Variants in LARGE1 observed in about 807,000 individuals in gnomAD.
LARGE1 encodes xylosyl- and glucuronyltransferase LARGE1.
Under a neutral mutation model 87.6 loss-of-function variants are expected in LARGE1, and 43 were observed. The ratio of observed to expected loss-of-function variants is 0.49; its 90% CI spans 0.38 to 0.63. LARGE1 has a LOEUF of 0.63. Among genes scored for constraint, LARGE1 ranks in the 30% least tolerant of loss-of-function variants. LARGE1 has a pLI of 0.00. For missense variants in LARGE1, 802 were observed against 1,000.2 expected, an observed-to-expected ratio of 0.80 and a Z score of 2.67; for synonymous variants, 434 against 394.6, an observed-to-expected ratio of 1.10 and a Z score of -1.18.
intron 2 of LARGE1, among the ~76,000 whole-genome samples, chr22:33,653,889 C>T (rs1052503732): frequency 4.6e-5 from 7 of 152,154 alleles, no homozygotes; most frequent in African/African-American, 7.2e-5. Context: ...CATCCTTAGC[C>T]GGGGTCATGG....
In LARGE1 at chr22:33,583,033, G is replaced by A. The variant is rs149773672; in HGVS notation, c.616-18014C>T. ...TATGAGCACATGTCTACCTTGGACA[G>A]TTCCAGTCACATATATTATACCCTG... On this transcript the variant is annotated intron_variant, in intron 5 of 14. Transcript: ENST00000397394. 4.5e-4 allele frequency among the ~76,000 whole-genome samples: 68 copies of A among 152,332 alleles called. No individual in the cohort carries two copies. In the East Asian group the frequency reaches 0.01, roughly 22 times the overall value.
intron 2 of LARGE1, among the ~76,000 whole-genome samples, chr22:33,758,397 C>T (rs1035249496): frequency 6.6e-6 from 1 of 152,206 alleles, no homozygotes; most frequent in Non-Finnish European, 1.5e-5. Flanking sequence ...AGCCCGAATG[C>T]ACACTAACTG....
intron 2 of LARGE1, chr22:33,733,073 A>C (rs145403495): frequency 1.3e-5 from 2 of 152,136 alleles, no homozygotes; most frequent in Admixed American, 6.5e-5. Context: ...TCTGCTCATG[A>C]ATTTGGCTTC....
At chr22:33,513,846 C>CACACACAT (rs58043155) in intron 6 of LARGE1, among the ~76,000 whole-genome samples, 2 of 150,130 alleles carry the variant, frequency 1.3e-5, no homozygotes, top group Non-Finnish European at 3.0e-5. Context: ...CACACACACA[C>CACACACAT]GAGTCATGTG....
chr22:33,432,249 G>A lies in LARGE1; in HGVS notation c.804C>T (p.Gly268=). 2 of 1,614,040 alleles carry A rather than the reference G, an allele frequency of 1.2e-6. No individual in the cohort carries two copies. Among genetic ancestry groups the A allele is most frequent in the Non-Finnish European group, 1.7e-6 (2 of 1,179,928 alleles). ...FHKFKGQQVL[G]LVENQSDWYL... ...ACCAGTCACTCTGGTTCTCCACCAAGCCCAGGACTTGCTGACCTGTGAGGT... is the reference window on the plus strand; with the variant it reads ...ACCAGTCACTCTGGTTCTCCACCAAACCCAGGACTTGCTGACCTGTGAGGT... The change falls in exon 7 of 15, where the codon GGC becomes GGT. Residue 268 remains glycine, a synonymous_variant. Coordinates refer to ENST00000397394, the MANE Select transcript of LARGE1 (RefSeq NM_133642.5).
chr22:33,099,026 C>T, the LARGE1 span, among the ~76,000 whole-genome samples: 1 of 152,106 alleles, frequency 6.6e-6, no homozygotes, highest in African/African-American at 2.4e-5. Flanking sequence ...TTCTAACCAC[C>T]CCTTTGAGTT....
intron 1 of LARGE1, among the ~76,000 whole-genome samples, chr22:33,783,669 T>C (rs2085505364): frequency 6.6e-6 from 1 of 152,232 alleles, no homozygotes; most frequent in Non-Finnish European, 1.5e-5. Context: ...ATTGTTGTTG[T>C]TGTTGATTTA....
At chr22:33,459,034 T>TA (rs1279407482) in intron 6 of LARGE1, among the ~76,000 whole-genome samples, 8 of 151,452 alleles carry the variant, frequency 5.3e-5, no homozygotes, top group Non-Finnish European at 5.9e-5. Flanking sequence ...TCTTCTAAAA[T>TA]AAAAAAAAGT....
intron 10 of LARGE1, among the ~76,000 whole-genome samples, chr22:33,336,961 T>C (rs1048230615): frequency 6.6e-6 from 1 of 150,942 alleles, no homozygotes; most frequent in African/African-American, 2.4e-5. Flanking sequence ...CTTGGGAGGC[T>C]GAGGCGGGAG....
intron 6 of LARGE1, among the ~76,000 whole-genome samples, chr22:33,560,990 A>G (rs1014670276): frequency 6.6e-6 from 1 of 151,856 alleles, no homozygotes; most frequent in Non-Finnish European, 1.5e-5. Flanking sequence ...AATTTTTTGT[A>G]TTTTTAGTAG....
chr22:33,405,281 A>C (rs981214090), intron 7 of LARGE1, among the ~76,000 whole-genome samples: 3 of 152,162 alleles, frequency 2.0e-5, no homozygotes, highest in African/African-American at 7.2e-5. Flanking sequence ...GCTCTAGCCT[A>C]GCTCCCCAGT....
Position 33,515,845 on chromosome 22 carries a change from C to T in LARGE1, c.787+49003G>A, listed in dbSNP as rs79428909. On this transcript the variant is annotated intron_variant, in intron 6 of 14. Transcript: ENST00000397394. ...AGAGGTGACGAGTCCAGAGTCACCC[C>T]TCACCCTCCCCTTGGCCTCTCACCC... 6.7e-3 allele frequency among the ~76,000 whole-genome samples: 1,023 copies of T among 152,240 alleles called. 6 individuals carry two copies. The highest frequency in any genetic ancestry group is 0.011 in the Non-Finnish European group (742 of 68,014).
intron 6 of LARGE1, among the ~76,000 whole-genome samples, chr22:33,506,373 A>G (rs1029670230): frequency 6.6e-6 from 1 of 152,138 alleles, no homozygotes; most frequent in Non-Finnish European, 1.5e-5. Flanking sequence ...GCGCCCCCAG[A>G]GCAGGGATCT....
Position 33,225,792 on chromosome 22 carries a change from A to G in LARGE1, c.1731-58960T>C, listed in dbSNP as rs145159647. Among the ~76,000 whole-genome samples the G allele has an allele frequency of 1.1e-3, 164 of 152,314 alleles. 1 individual carries two copies. Among genetic ancestry groups the G allele is most frequent in the African/African-American group, 3.8e-3 (157 of 41,564 alleles). ...TGTTCTCATCATTTAGCTCTCACTT[A>G]TAAATGATAACATGTGGTATTCTAT... On this transcript the variant is annotated intron_variant, in intron 11 of 11. Transcript: ENST00000608642.
At position 33,400,417 on chromosome 22, in the gene LARGE1, A is replaced by G. The variant is rs375950436; in HGVS notation, c.893-16113T>C. Among the ~76,000 whole-genome samples, 415 of 152,256 alleles carry G rather than the reference A, an allele frequency of 2.7e-3. 1 individual carries two copies. Among genetic ancestry groups the G allele is most frequent in the African/African-American group, 9.6e-3 (401 of 41,556 alleles). On this transcript the variant is annotated intron_variant, in intron 7 of 14. Transcript: ENST00000397394. ...TGGGGGAGGGATGGGAGGGTCTGAC[A>G]CCCCATGGGCTATATACCAGCTACC...
chr22:33,322,271 T>G (rs1311568342), intron 10 of LARGE1, among the ~76,000 whole-genome samples: 1 of 152,206 alleles, frequency 6.6e-6, no homozygotes, highest in Non-Finnish European at 1.5e-5. Context: ...TTCTGAACCA[T>G]CTGAACCTAG....
chr22:33,376,298 G>C (rs1397463517), intron 9 of LARGE1, among the ~76,000 whole-genome samples: 1 of 152,198 alleles, frequency 6.6e-6, no homozygotes, highest in African/African-American at 2.4e-5. Context: ...TTTGCCTATA[G>C]AGCAAATTGC....
At chr22:33,719,189 C>G (rs1347901120) in intron 2 of LARGE1, among the ~76,000 whole-genome samples, 2 of 152,194 alleles carry the variant, frequency 1.3e-5, no homozygotes, top group Non-Finnish European at 2.9e-5. Flanking sequence ...TTTTGTACAG[C>G]TATACAATGC....
At chr22:33,569,562 A>C (rs2078132326) in intron 5 of LARGE1, among the ~76,000 whole-genome samples, 1 of 152,212 alleles carries the variant, frequency 6.6e-6, no homozygotes, top group Non-Finnish European at 1.5e-5. Context: ...GGTGGTGGGG[A>C]AAGAACAAGT....
Sources: allele counts gnomAD v4.1 joint callset (sites outside exome capture counted in the v4.1 genomes callset), GRCh38; gene constraint gnomAD v4.1.1; transcripts MANE v1.5; gene names NCBI Gene and HGNC (gene_info 2026-07-23, HGNC 2026-07-21).